Variants in FAM83G observed in about 807,000 individuals in gnomAD.
FAM83G encodes scaffolding CK1 anchoring protein G.
FAM83G carries 38 observed loss-of-function variants against 61.5 expected under a neutral mutation model. The ratio of observed to expected loss-of-function variants is 0.62; its 90% CI spans 0.48 to 0.81. FAM83G has a LOEUF of 0.81. Among genes scored for constraint, FAM83G ranks in the 30% least tolerant of loss-of-function variants. The pLI, the probability that FAM83G is intolerant of heterozygous loss-of-function variation, is 0.00. For missense variants in FAM83G, 989 were observed against 1,133.6 expected (o/e 0.87, Z 1.83); for synonymous variants, 470 against 476.1 (o/e 0.99, Z 0.17).
intron 2 of FAM83G, among the ~76,000 whole-genome samples, chr17:18,994,687 T>G (rs2472711): frequency 0.65 from 98,566 of 151,836 alleles, 32,428 homozygotes; most frequent in Middle Eastern, 0.74. Flanking sequence ...CTGCAGGGGG[T>G]GTCCTCAGAA....
intron 2 of FAM83G, among the ~76,000 whole-genome samples, chr17:18,993,347 T>C (rs2043479026): frequency 6.6e-6 from 1 of 152,234 alleles, no homozygotes. Flanking sequence ...CACTCTGGCC[T>C]GTCTGGGTTG....
chr17:18,993,402 T>A (rs542676867), intron 2 of FAM83G, among the ~76,000 whole-genome samples: 4 of 151,876 alleles, frequency 2.6e-5, no homozygotes, highest in Admixed American at 6.6e-5. Context: ...AGCAATGGAG[T>A]CTCCCAAGGA....
rs770925456 is a variant in FAM83G at position 18,971,499 on chromosome 17, C to T, written c.2332G>A (p.Glu778Lys). The T allele has an allele frequency of 1.2e-6, 2 of 1,614,038 alleles. No individual in the cohort carries two copies. Among genetic ancestry groups the T allele is most frequent in the Non-Finnish European group, 1.7e-6 (2 of 1,180,036 alleles). ...RPMTDGRATE[E>K]HPSPFGIPYS... Reference sequence around the variant, plus strand: ...GGGATTCCGAAGGGACTCGGATGCTCCTCGGTGGCCCTGCCATCGGTCATG... The same window carrying T: ...GGGATTCCGAAGGGACTCGGATGCTTCTCGGTGGCCCTGCCATCGGTCATG... Residue 778 changes from glutamate (E) to lysine (K), a missense_variant, in exon 6 of 6, where the codon GAG (glutamate) becomes AAG (lysine). This residue lies in a region of FAM83G where 574 missense variants were observed against 645.1 expected (regional missense o/e 0.89). Coordinates refer to ENST00000388995, the MANE Select transcript of FAM83G (RefSeq NM_001039999.3). The surrounding 1 kb of genome is among the most constrained non-coding windows in gnomAD (Gnocchi z 5.5).
chr17:18,995,923 A>T (rs1325253202), intron 2 of FAM83G, among the ~76,000 whole-genome samples: 1 of 151,992 alleles, frequency 6.6e-6, no homozygotes, highest in African/African-American at 2.4e-5. Flanking sequence ...AAAAAAAAAA[A>T]AAAAGACTAA....
rs1368870068 is a variant in FAM83G, at chr17:18,988,407, G to A, written c.530C>T (p.Ala177Val). ...KMISQAQKVI[A>V]VVMDMFTDVD... ...GTCGGTGAACATGTCCATGACCACA[G>A]CTATCACCTGGGAGCAAGAAGAGAG... is the stretch of plus-strand genomic sequence containing the variant. The change falls in exon 3 of 6, where the codon GCT (alanine) becomes GTT (valine). Residue 177 changes from alanine to valine, a missense_variant. Around this residue, in one of 3 missense-constraint regions of FAM83G, gnomAD observed 371 missense variants for 404.5 expected, o/e 0.92. Coordinates refer to ENST00000388995, the MANE Select transcript of FAM83G (RefSeq NM_001039999.3). 1 of 1,613,994 alleles carries A rather than the reference G, an allele frequency of 6.2e-7. No individual in the cohort carries two copies. Among genetic ancestry groups the A allele is most frequent in the Non-Finnish European group, 8.5e-7 (1 of 1,179,894 alleles).
intron 2 of FAM83G, among the ~76,000 whole-genome samples, chr17:18,999,835 C>A (rs944591951): frequency 4.6e-5 from 7 of 152,240 alleles, no homozygotes; most frequent in African/African-American, 1.4e-4. Context: ...GCCTCACCTG[C>A]CCTCAGTTTC....
chr17:19,001,874 GCA>G (rs1491257888), intron 2 of FAM83G, among the ~76,000 whole-genome samples: 1 of 152,178 alleles, frequency 6.6e-6, no homozygotes, highest in Non-Finnish European at 1.5e-5. Flanking sequence ...AGGAGGGGAG[GCA>G]CAGAGGAGTG....
intron 3 of FAM83G, among the ~76,000 whole-genome samples, chr17:18,983,518 G>A (rs558598022): frequency 2.0e-5 from 3 of 152,326 alleles, no homozygotes; most frequent in East Asian, 1.9e-4. Context: ...GTAGAGGCCC[G>A]GTAGAGCAGT....
In FAM83G at chr17:18,971,010, C is replaced by A. The variant is rs898774747; in HGVS notation, c.*349G>T. On this transcript the variant is annotated 3_prime_UTR_variant, in exon 6 of 6. Coordinates refer to ENST00000388995, the MANE Select transcript of FAM83G (RefSeq NM_001039999.3). The surrounding 1 kb of genome is among the most constrained non-coding windows in gnomAD (Gnocchi z 5.5). ...TGTCCCTGTTCCACCCTGACCCCTC[C>A]AGCTTTTGACCAGATCGGTGGTTAC... The A allele has an allele frequency of 5.0e-6, 8 of 1,613,776 alleles. No homozygotes were observed. In the African/African-American group the frequency reaches 9.3e-5, roughly 19 times the overall value.
At position 18,971,536 on chromosome 17, in the gene FAM83G, T is replaced by C; in HGVS notation, c.2295A>G (p.Gln765=). The change falls in exon 6 of 6, where the codon CAA becomes CAG. Residue 765 remains glutamine, a synonymous_variant. Transcript: ENST00000388995. This position sits in a 1 kb window ranked among gnomAD's most constrained non-coding sequence, Gnocchi z 5.5. ...TGCCATCGGTCATGGGGCGGGCATT[T>C]TGGGCCAGTCTTGGGCTGCCGGGAT... is the stretch of plus-strand genomic sequence containing the variant. ...LPDPGSPRLA[Q]NARPMTDGRA... The C allele has an allele frequency of 6.2e-7, 1 of 1,613,946 alleles. No homozygotes were observed. Among genetic ancestry groups the C allele is most frequent in the Non-Finnish European group, 8.5e-7 (1 of 1,180,022 alleles).
intron 3 of FAM83G, among the ~76,000 whole-genome samples, chr17:18,983,712 G>A (rs1397716478): frequency 1.3e-5 from 2 of 152,206 alleles, no homozygotes; most frequent in Admixed American, 6.5e-5. Flanking sequence ...GGAGGGTGGA[G>A]AGGGGTGGTC....
intron 5 of FAM83G, among the ~76,000 whole-genome samples, chr17:18,973,893 T>G (rs1191033748): frequency 4.8e-5 from 6 of 123,938 alleles, no homozygotes; most frequent in Non-Finnish European, 1.0e-4. Flanking sequence ...AGTTTTTTTT[T>G]TTTTTTTTTT....
At chr17:19,002,769 T>A (rs144487624) in intron 2 of FAM83G, among the ~76,000 whole-genome samples, 2 of 152,282 alleles carry the variant, frequency 1.3e-5, no homozygotes, top group Non-Finnish European at 2.9e-5. Flanking sequence ...TGACGGTGTG[T>A]CAGCCAAGAA....
Position 19,004,340 on chromosome 17 carries a change from C to CG in FAM83G, c.-128-172dup. The CG allele has an allele frequency of 3.0e-6, 1 of 327,910 alleles. No homozygotes were observed. The highest frequency in any genetic ancestry group is 5.6e-6 in the Non-Finnish European group (1 of 178,276). The allele number at this position is 327,910 out of a possible 1,614,324, so 20.3% of individuals were successfully genotyped here. ...CTGGGATGGGAAGAAAGTAAGGGAT[C>CG]GGAACAGCGGTGAGGGAGCGGTGGG... On this transcript the variant is annotated intron_variant, in intron 1 of 5. Coordinates refer to ENST00000388995, the MANE Select transcript of FAM83G (RefSeq NM_001039999.3). The surrounding 1 kb of genome is among the most constrained non-coding windows in gnomAD (Gnocchi z 5.4).
chr17:18,988,349 G>A lies in FAM83G; in HGVS notation c.588C>T (p.Gly196=). ...VDIFKDLLDA[G]FKRKVAVYII... The stretch of plus-strand genomic sequence containing the variant: ...TGTACACGGCCACTTTCCTCTTGAA[G>A]CCGGCGTCCAGCAGGTCCTTGAAGA... The change falls in exon 3 of 6, where the codon GGC becomes GGT. Residue 196 remains glycine (G), a synonymous_variant. Transcript: ENST00000388995. 1 of 1,614,242 alleles carries A rather than the reference G, an allele frequency of 6.2e-7. No homozygotes were observed. Among genetic ancestry groups the A allele is most frequent in the Non-Finnish European group, 8.5e-7 (1 of 1,180,050 alleles).
At chr17:19,001,187 C>T (rs1485686931) in intron 2 of FAM83G, among the ~76,000 whole-genome samples, 10 of 152,360 alleles carry the variant, frequency 6.6e-5, no homozygotes, top group Admixed American at 5.2e-4. Flanking sequence ...TCCCTGCCCA[C>T]ACATGCCACA....
rs773807575 is a variant in FAM83G at position 19,003,598 on chromosome 17, G to A, written c.444C>T (p.Ser148=). Residue 148 remains serine, a synonymous_variant, in exon 2 of 6, where the codon AGC becomes AGT. Transcript: ENST00000388995. This position sits in a 1 kb window ranked among gnomAD's most constrained non-coding sequence, Gnocchi z 4.5. ...CGTCTATGGGGGGCTGCATGTAGAC[G>A]CTAGCCCGGGTCACGCCGCGGTAGG... is the stretch of plus-strand genomic sequence containing the variant. ...TIAYRGVTRA[S]VYMQPPIDGQ... 1 of 1,609,956 alleles carries A rather than the reference G, an allele frequency of 6.2e-7. No individual in the cohort carries two copies. Among genetic ancestry groups the A allele is most frequent in the Non-Finnish European group, 8.5e-7 (1 of 1,178,362 alleles).
intron 2 of FAM83G, among the ~76,000 whole-genome samples, chr17:18,989,358 T>A (rs1302174708): frequency 6.6e-6 from 1 of 152,206 alleles, no homozygotes; most frequent in Non-Finnish European, 1.5e-5. Flanking sequence ...GGAGGCGGCC[T>A]GGAGCCTGCT....
chr17:18,981,003 G>A (rs1204040966), intron 3 of FAM83G, among the ~76,000 whole-genome samples: 2 of 152,150 alleles, frequency 1.3e-5, no homozygotes, highest in African/African-American at 4.8e-5. Context: ...TGACGTACTG[G>A]TCTGTCCCCT....
Sources: allele counts gnomAD v4.1 joint callset (sites outside exome capture counted in the v4.1 genomes callset), GRCh38; gene constraint gnomAD v4.1.1; regional missense constraint gnomAD v4.1.1; non-coding constraint Gnocchi (gnomAD v3.1); transcripts MANE v1.5; gene names NCBI Gene and HGNC (gene_info 2026-07-23, HGNC 2026-07-21).